TEX36: variants seen among roughly 807,000 people sequenced by gnomAD.
The protein encoded by TEX36 is testis-expressed protein 36.
TEX36 carries 12 observed loss-of-function variants against 13.6 expected under a neutral mutation model. The observed-to-expected ratio is 0.88, with a 90% CI of 0.56 to 1.43. TEX36 has a LOEUF of 1.43. TEX36 is among the 40% of genes most tolerant of loss of function. The pLI is 0.00. For synonymous variants in TEX36, 93 were observed against 83.0 expected, an observed-to-expected ratio of 1.12 and a Z score of -0.65; for missense variants, 224 against 228.3, an observed-to-expected ratio of 0.98 and a Z score of 0.12.
At chr10:125,601,488 A>C (rs1479365760) in intron 3 of TEX36, among the ~76,000 whole-genome samples, 2 of 152,236 alleles carry the variant, frequency 1.3e-5, no homozygotes, top group Non-Finnish European at 2.9e-5. Context: ...AAGAATTTGT[A>C]ATTGCTCATC....
chr10:125,633,891 C>G (rs1846591721), intron 3 of TEX36, among the ~76,000 whole-genome samples: 1 of 152,184 alleles, frequency 6.6e-6, no homozygotes, highest in South Asian at 2.1e-4. Context: ...AAAGGCATGC[C>G]GATGAGTAAT....
intron 3 of TEX36, among the ~76,000 whole-genome samples, chr10:125,658,990 A>G (rs932550458): frequency 6.6e-6 from 1 of 152,144 alleles, no homozygotes; most frequent in Non-Finnish European, 1.5e-5. Flanking sequence ...CTATTTTGAG[A>G]GATGTTATAC....
At chr10:125,657,214 T>C (rs1188663360) in intron 3 of TEX36, among the ~76,000 whole-genome samples, 1 of 152,164 alleles carries the variant, frequency 6.6e-6, no homozygotes, top group African/African-American at 2.4e-5. Context: ...AGTGTCAGAT[T>C]TGCAGCAGGA....
At chr10:125,641,090 C>T (rs1846684952) in intron 3 of TEX36, among the ~76,000 whole-genome samples, 1 of 152,072 alleles carries the variant, frequency 6.6e-6, no homozygotes, top group Non-Finnish European at 1.5e-5. Context: ...ATGTCCTGAA[C>T]TTTGATTGGA....
chr10:125,636,691 G>A (rs948245883), intron 3 of TEX36, among the ~76,000 whole-genome samples: 2 of 152,194 alleles, frequency 1.3e-5, no homozygotes, highest in African/African-American at 2.4e-5. Context: ...GCCGGTCCCC[G>A]AACCCACTCA....
chr10:125,604,669 A>G (rs1423755846), intron 3 of TEX36, among the ~76,000 whole-genome samples: 2 of 152,104 alleles, frequency 1.3e-5, no homozygotes. Context: ...AAAATTAGCC[A>G]GGTGTGGTGA....
At chr10:125,587,354 AT>A (rs1235028905) in intron 3 of TEX36, among the ~76,000 whole-genome samples, 1 of 152,168 alleles carries the variant, frequency 6.6e-6, no homozygotes, top group East Asian at 1.9e-4. Context: ...TTGTATTATC[AT>A]GTTTTAATTT....
intron 3 of TEX36, among the ~76,000 whole-genome samples, chr10:125,592,622 T>C (rs1846034696): frequency 1.3e-5 from 2 of 152,032 alleles, no homozygotes; most frequent in African/African-American, 2.4e-5. Flanking sequence ...GTTTTGACAC[T>C]ATCCACCTAG....
intron 3 of TEX36, among the ~76,000 whole-genome samples, chr10:125,604,276 G>T (rs143342252): frequency 6.6e-6 from 1 of 152,100 alleles, no homozygotes; most frequent in Admixed American, 6.5e-5. Context: ...TTGCATTACC[G>T]CCTGAGCTCC....
At chr10:125,681,599 C>T (rs757116683) in intron 1 of TEX36, among the ~76,000 whole-genome samples, 1 of 152,114 alleles carries the variant, frequency 6.6e-6, no homozygotes, top group Non-Finnish European at 1.5e-5. Flanking sequence ...TCAGACTCAG[C>T]CTCTTCTCTT....
chr10:125,603,837 A>G (rs1251969849), intron 3 of TEX36, among the ~76,000 whole-genome samples: 3 of 152,036 alleles, frequency 2.0e-5, no homozygotes, highest in Admixed American at 2.0e-4. Flanking sequence ...GACCCTCTAG[A>G]GTGCAAAGTG....
Position 125,655,906 on chromosome 10 carries a change from C to A in TEX36, c.555G>T (p.Glu185Asp). Residue 185 changes from glutamate (E) to aspartate (D), a missense_variant, in exon 4 of 4, where the codon GAG (glutamate) becomes GAT (aspartate). Transcript: ENST00000368821. Reference sequence around the variant, plus strand: ...CAAAAATCTTCTGGGAGGATTAGGACTCCAGTGAAGAAACAACCTTTTTGT... The same window carrying A: ...CAAAAATCTTCTGGGAGGATTAGGAATCCAGTGAAGAAACAACCTTTTTGT... ...TVDKKVVSSL[E>D]S 6.6e-7 allele frequency: 1 copy of A among 1,519,126 alleles called. No individual in the cohort carries two copies. 94.1% of individuals were successfully genotyped at this position (1,519,126 alleles called of 1,614,324 possible).
rs148598229 is a variant in TEX36 at position 125,634,632 on chromosome 10, G to C, written c.265-12987C>G. On this transcript the variant is annotated intron_variant, in intron 3 of 3. Coordinates refer to the TEX36 transcript ENST00000526819. ...TATCTTTTCTGCAGACACATCTTTG[G>C]TTGCGTGCTGCAACTTTGTAGAAGA... is the stretch of plus-strand genomic sequence containing the variant. Among the ~76,000 whole-genome samples, 604 of 152,230 alleles carry C rather than the reference G, an allele frequency of 4.0e-3. 11 individuals are homozygous for C. The highest frequency in any genetic ancestry group is 0.014 in the African/African-American group (581 of 41,556).
At chr10:125,578,918 A>G (rs1313521743) in intron 3 of TEX36, among the ~76,000 whole-genome samples, 1 of 151,892 alleles carries the variant, frequency 6.6e-6, no homozygotes, top group Non-Finnish European at 1.5e-5. Flanking sequence ...ACCTTTCCCC[A>G]CATGCTGTGC....
At chr10:125,586,186 A>G (rs756391235) in intron 3 of TEX36, among the ~76,000 whole-genome samples, 5 of 152,212 alleles carry the variant, frequency 3.3e-5, no homozygotes, top group Admixed American at 6.5e-5. Flanking sequence ...CAGTCCTATT[A>G]TTGTATACTT....
In TEX36 at chr10:125,661,673, C is replaced by A. The variant is rs1325657495; in HGVS notation, c.183+173G>T. ...TGATTGTCCATAGCAGGAAGTAGTT[C>A]CTGCCGCAGAGCACCAGGGTATGGG... On this transcript the variant is annotated intron_variant, in intron 2 of 3. Coordinates refer to ENST00000368821, the MANE Select transcript of TEX36 (RefSeq NM_001128202.3). Among the ~76,000 whole-genome samples the A allele has an allele frequency of 3.9e-5, 6 of 152,182 alleles. No individual in the cohort carries two copies. In the East Asian group the frequency reaches 9.6e-4, roughly 24 times the overall value.
downstream of TEX36, among the ~76,000 whole-genome samples, chr10:125,651,200 G>T (rs1352509660): frequency 6.6e-6 from 1 of 152,054 alleles, no homozygotes; most frequent in Non-Finnish European, 1.5e-5. Flanking sequence ...ACAAAAAAGA[G>T]AATTTTAGAC....
rs900236324 is a variant in TEX36 at position 125,636,385 on chromosome 10, T to TA, written c.265-14741dup. 6.0e-5 allele frequency among the ~76,000 whole-genome samples: 9 copies of TA among 150,304 alleles called. No individual in the cohort carries two copies. In the South Asian group the frequency reaches 1.9e-3, roughly 32 times the overall value. Reference sequence around the variant, plus strand: ...CACACCCGGCTAATTTTTTTTTTTTTATATATTTTTAGTAGAGGCGGGGTT... The same window carrying TA: ...CACACCCGGCTAATTTTTTTTTTTTTAATATATTTTTAGTAGAGGCGGGGTT... On this transcript the variant is annotated intron_variant, in intron 3 of 3. Transcript: ENST00000526819.
downstream of TEX36, among the ~76,000 whole-genome samples, chr10:125,618,303 C>T (rs1260804148): frequency 2.0e-5 from 3 of 152,334 alleles, 1 homozygote; most frequent in African/African-American, 7.2e-5. Flanking sequence ...AGTCATTCTC[C>T]ATCCAGCTTT....
Sources: gnomAD v4.1 joint callset for allele counts (sites outside exome capture counted in the v4.1 genomes callset) on GRCh38, gnomAD v4.1.1 for gene constraint, MANE v1.5 for transcripts, NCBI Gene and HGNC (gene_info 2026-07-23, HGNC 2026-07-21) for gene names.